Variants in DDX46 observed in about 807,000 individuals in gnomAD.
The protein encoded by DDX46 is DEAD-box helicase 46.
In DDX46, 30 loss-of-function variants were observed where a neutral mutation model predicts 134.9. The observed-to-expected ratio is 0.22, with a 90% CI of 0.17 to 0.30. DDX46 has a LOEUF of 0.30. Among genes scored for constraint, DDX46 ranks in the 10% least tolerant of loss-of-function variants. The pLI, the probability that DDX46 is intolerant of heterozygous loss-of-function variation, is 1.00. For missense variants in DDX46, 622 were observed against 1,248.7 expected (o/e 0.50, Z 7.56); for synonymous variants, 415 against 404.1 (o/e 1.03, Z -0.32).
chr5:134,801,529 T>C lies in DDX46; in HGVS notation c.1954+5379T>C, dbSNP rs376426669. On this transcript the variant is annotated intron_variant, in intron 15 of 22. Coordinates refer to ENST00000452510, the MANE Select transcript of DDX46 (RefSeq NM_001300860.2). ...GCTCCCACCTCAGCCTCTTGAGTAG[T>C]TGGGACTATACGAATGTGCCACCAT... is the stretch of plus-strand genomic sequence containing the variant. Among the ~76,000 whole-genome samples, 14 of 152,114 alleles carry C rather than the reference T, an allele frequency of 9.2e-5. No individual in the cohort carries two copies. In the South Asian group the frequency reaches 2.1e-3, roughly 23 times the overall value.
At chr5:134,820,687 GTT>G in intron 21 of DDX46, among the ~76,000 whole-genome samples, 1 of 152,132 alleles carries the variant, frequency 6.6e-6, no homozygotes, top group East Asian at 1.9e-4. Context: ...TGTAACAAAA[GTT>G]TGTCCATTTT....
chr5:134,765,226 G>T (rs571527356), intron 2 of DDX46, among the ~76,000 whole-genome samples: 4 of 151,524 alleles, frequency 2.6e-5, no homozygotes, highest in Admixed American at 2.6e-4. Context: ...GCTCCACAAA[G>T]CCTGGATAAT....
chr5:134,771,183 C>A (rs1048039083), intron 4 of DDX46, among the ~76,000 whole-genome samples, 184 bp downstream of exon 4: 1 of 151,442 alleles, frequency 6.6e-6, no homozygotes, highest in Non-Finnish European at 1.5e-5. Flanking sequence ...ACATTCTCGG[C>A]TCCTGAGTTC....
At chr5:134,818,708 GA>G (rs937947540) in intron 20 of DDX46, 151 bp from the exon 21 acceptor site, 18,860 of 319,246 alleles carry the variant, frequency 0.059, 7 homozygotes, top group Middle Eastern at 0.088. Context: ...CGTCTCAAAA[GA>G]AAAAAAAAAA....
intron 16 of DDX46, 54 bp downstream of exon 16, chr5:134,807,995 C>T: frequency 6.8e-7 from 1 of 1,474,560 alleles, no homozygotes; most frequent in Non-Finnish European, 9.1e-7. Context: ...ACAGGTGTTT[C>T]TTTAGTATTT....
At chr5:134,803,841 T>G (rs1754903326) in intron 15 of DDX46, among the ~76,000 whole-genome samples, 1 of 152,158 alleles carries the variant, frequency 6.6e-6, no homozygotes, top group East Asian at 1.9e-4. Flanking sequence ...TTTTATCTTT[T>G]TGGCCAGAAT....
chr5:134,808,604 T>TA (rs995840702), intron 16 of DDX46, among the ~76,000 whole-genome samples: 6 of 150,988 alleles, frequency 4.0e-5, no homozygotes, highest in East Asian at 1.9e-4. Flanking sequence ...GATCTTTTTT[T>TA]AAAAAAAAAC....
intron 21 of DDX46, among the ~76,000 whole-genome samples, chr5:134,825,323 G>A (rs150133677): frequency 2.4e-3 from 370 of 152,100 alleles, no homozygotes; most frequent in African/African-American, 8.4e-3. Context: ...CCTTCCCCAC[G>A]TAGTTTTATA....
intron 3 of DDX46, among the ~76,000 whole-genome samples, chr5:134,769,289 A>G (rs990600191): frequency 7.1e-6 from 1 of 141,296 alleles, no homozygotes; most frequent in East Asian, 2.1e-4. Flanking sequence ...GCTTCCCATT[A>G]GTGTCATGGG....
At chr5:134,765,859 G>T (rs1263801130) in intron 2 of DDX46, among the ~76,000 whole-genome samples, 1 of 152,220 alleles carries the variant, frequency 6.6e-6, no homozygotes, top group African/African-American at 2.4e-5. Context: ...TTCACATTTT[G>T]TGGTCCTAGG....
chr5:134,770,885 CTT>C lies in DDX46; in HGVS notation c.351-15_351-14del, dbSNP rs750400406. On this transcript the variant is annotated splice_polypyrimidine_tract_variant and intron_variant, in intron 3 of 22. Coordinates refer to ENST00000452510, the MANE Select transcript of DDX46 (RefSeq NM_001300860.2). The stretch of plus-strand genomic sequence containing the variant: ...CAAATGAATGACATTTCTCTTGTCT[CTT>C]TTATTTTTTTGGTAGATCTAGGTCC... 1.7e-5 allele frequency: 27 copies of C among 1,553,172 alleles called. No homozygotes were observed. Among genetic ancestry groups the C allele is most frequent in the African/African-American group, 4.2e-5 (3 of 70,884 alleles).
intron 1 of DDX46, among the ~76,000 whole-genome samples, chr5:134,761,129 G>T (rs1384911407): frequency 6.6e-6 from 1 of 151,704 alleles, no homozygotes; most frequent in East Asian, 1.9e-4. Flanking sequence ...AGGTTCAAGA[G>T]ATCCTCCCAC....
intron 9 of DDX46, 112 bp downstream of exon 9, chr5:134,783,177 A>G: frequency 7.1e-7 from 1 of 1,403,470 alleles, no homozygotes; most frequent in Non-Finnish European, 9.6e-7. Flanking sequence ...CTTACGTTTT[A>G]AAAAACTTTC....
At chr5:134,807,150 T>G (rs997908867) in intron 15 of DDX46, among the ~76,000 whole-genome samples, 2 of 150,996 alleles carry the variant, frequency 1.3e-5, no homozygotes, top group Non-Finnish European at 1.5e-5. Flanking sequence ...GCCTCCCAGG[T>G]TCAGGCATGT....
At chr5:134,800,584 TC>T (rs1373586408) in intron 15 of DDX46, among the ~76,000 whole-genome samples, 1 of 152,112 alleles carries the variant, frequency 6.6e-6, no homozygotes, top group Non-Finnish European at 1.5e-5. Context: ...CCTAAAAAAC[TC>T]CCTCATCGTG....
chr5:134,804,404 A>C (rs1021892848), intron 15 of DDX46, among the ~76,000 whole-genome samples: 1 of 152,162 alleles, frequency 6.6e-6, no homozygotes, highest in Non-Finnish European at 1.5e-5. Context: ...GCGAGACCTG[A>C]AAAAGATTGG....
intron 14 of DDX46, among the ~76,000 whole-genome samples, 189 bp downstream of exon 14, chr5:134,795,203 T>TA (rs1472368897): frequency 1.4e-5 from 2 of 138,546 alleles, no homozygotes; most frequent in East Asian, 2.4e-4. Flanking sequence ...TTAAAATGCT[T>TA]GTTTTTTTTT....
At chr5:134,793,128 G>T (rs1428451313) in intron 13 of DDX46, among the ~76,000 whole-genome samples, 9 of 152,170 alleles carry the variant, frequency 5.9e-5, no homozygotes, top group African/African-American at 2.4e-5. Context: ...CTGCACTCCA[G>T]CCTGGGCGAC....
At chr5:134,809,680 A>G (rs1755085993) in intron 16 of DDX46, among the ~76,000 whole-genome samples, 1 of 150,630 alleles carries the variant, frequency 6.6e-6, no homozygotes, top group Non-Finnish European at 1.5e-5. Flanking sequence ...CGGCCAAGAT[A>G]TTTCTGAATT....
Sources: allele counts gnomAD v4.1 joint callset (sites outside exome capture counted in the v4.1 genomes callset), GRCh38; gene constraint gnomAD v4.1.1; transcripts MANE v1.5; gene names NCBI Gene and HGNC (gene_info 2026-07-23, HGNC 2026-07-21).